CTPS1: variants seen among roughly 807,000 people sequenced by gnomAD.
The protein encoded by CTPS1 is CTP synthetase 1.
A neutral mutation model predicts 80.5 loss-of-function variants in CTPS1; 25 were observed. That is an observed-to-expected ratio of 0.31 (90% CI 0.23 to 0.43). The LOEUF (loss-of-function observed/expected upper bound fraction) is 0.43. Ranked by LOEUF, CTPS1 falls within the 20% of genes least tolerant of loss-of-function variation. The pLI, the probability that CTPS1 is intolerant of heterozygous loss-of-function variation, is 1.00. For missense variants in CTPS1, 442 were observed against 725.7 expected (o/e 0.61, Z 4.49); for synonymous variants, 267 against 252.5 (o/e 1.06, Z -0.54).
intron 7 of CTPS1, among the ~76,000 whole-genome samples, chr1:40,993,774 CTTTTTTTT>C (rs71278720): frequency 5.8e-5 from 5 of 85,802 alleles, no homozygotes; most frequent in Non-Finnish European, 1.1e-4. Flanking sequence ...TTTCTTCTCT[CTTTTTTTT>C]TTTTTTTTTT....
chr1:41,008,813 A>C lies in CTPS1; in HGVS notation c.1469A>C (p.Lys490Thr). The change falls in exon 16 of 19, where the codon AAG (lysine) becomes ACG (threonine). Residue 490 changes from lysine (K) to threonine (T), a missense_variant. Lys to Thr is a moderately conservative substitution (Grantham distance 78). Coordinates refer to ENST00000650070, the MANE Select transcript of CTPS1 (RefSeq NM_001905.4). Reference protein sequence around the residue: ...HRFEVNPVWKKCLEEQGLKFV... With the variant: ...HRFEVNPVWKTCLEEQGLKFV... Reference sequence around the variant, plus strand: ...CAACAGGTGAATCCAGTCTGGAAAAAGTGTTTGGAAGAACAAGGCTTGAAG... The same window carrying C: ...CAACAGGTGAATCCAGTCTGGAAAACGTGTTTGGAAGAACAAGGCTTGAAG... The C allele has an allele frequency of 6.2e-7, 1 of 1,614,208 alleles. No homozygotes were observed. Among genetic ancestry groups the C allele is most frequent in the Non-Finnish European group, 8.5e-7 (1 of 1,180,030 alleles).
intron 2 of CTPS1, 21 bp from the exon 3 acceptor site, chr1:40,984,800 T>C (rs770622124): frequency 6.7e-7 from 1 of 1,482,584 alleles, no homozygotes; most frequent in Non-Finnish European, 9.0e-7. Flanking sequence ...TTAACGTAAA[T>C]GGTTTCTCTG....
chr1:41,002,192 G>C lies in CTPS1; in HGVS notation c.1127G>C (p.Arg376Pro). Residue 376 changes from arginine (R) to proline (P), a missense_variant, in exon 11 of 19, where the codon CGA becomes CCA. Arg to Pro is a moderately radical substitution (Grantham distance 103). Coordinates refer to ENST00000650070, the MANE Select transcript of CTPS1 (RefSeq NM_001905.4). ...GVLVPGGFGV[R>P]GTEGKIQAIA... ...CTGGTTCCAGGAGGATTTGGTGTTC[G>C]AGGAACAGAAGGAAAAATCCAAGCA... 1.2e-6 allele frequency: 2 copies of C among 1,614,144 alleles called. No homozygotes were observed. Among genetic ancestry groups the C allele is most frequent in the Non-Finnish European group, 1.7e-6 (2 of 1,180,016 alleles).
intron 12 of CTPS1, among the ~76,000 whole-genome samples, chr1:41,003,548 G>C (rs1343832216): frequency 6.6e-6 from 1 of 152,206 alleles, no homozygotes; most frequent in Non-Finnish European, 1.5e-5. Flanking sequence ...ACTGGGCTCA[G>C]ATTCCAACCT....
At chr1:40,986,285 G>A (rs752236688) in intron 3 of CTPS1, among the ~76,000 whole-genome samples, 6 of 152,388 alleles carry the variant, frequency 3.9e-5, no homozygotes, top group Non-Finnish European at 7.3e-5. Flanking sequence ...CAGTCACAGC[G>A]AGAGTGGAAT....
intron 1 of CTPS1, among the ~76,000 whole-genome samples, chr1:40,982,146 T>C (rs1461203952): frequency 6.6e-6 from 1 of 152,196 alleles, no homozygotes; most frequent in Non-Finnish European, 1.5e-5. Context: ...CTCTTGTCGA[T>C]GCTGTTTTCA....
intron 12 of CTPS1, among the ~76,000 whole-genome samples, chr1:41,003,641 C>G (rs750324457): frequency 2.0e-5 from 3 of 152,196 alleles, no homozygotes; most frequent in Non-Finnish European, 4.4e-5. Context: ...AATAAAGGTA[C>G]GTACTTCACA....
chr1:41,003,092 GT>G (rs748558529), intron 11 of CTPS1, 21 bp from the exon 12 acceptor site: 7 of 1,613,882 alleles, frequency 4.3e-6, no homozygotes, highest in African/African-American at 4.0e-5. Flanking sequence ...AGTTTTGTTT[GT>G]TTTTTCCCCC....
rs559325654 is a variant in CTPS1, at chr1:40,980,049, C to T, written c.-14+220C>T. 24 of 151,252 alleles carry T rather than the reference C, an allele frequency of 1.6e-4. No homozygotes were observed. In the South Asian group the frequency reaches 2.9e-3, roughly 18 times the overall value. 9.4% of individuals were successfully genotyped at this position (151,252 alleles called of 1,614,324 possible). ...CGAGCTGCCGGCTCCCGCGCGCGGG[C>T]CTCGTGGCCGGGCGGCGCTGGGGAG... On this transcript the variant is annotated intron_variant, in intron 1 of 18. Transcript: ENST00000650070.
intron 1 of CTPS1, among the ~76,000 whole-genome samples, chr1:40,981,754 C>T (rs1558126032): frequency 6.6e-6 from 1 of 151,872 alleles, no homozygotes; most frequent in Non-Finnish European, 1.5e-5. Flanking sequence ...TTTGTTGAAA[C>T]CAGGGAGCAT....
intron 3 of CTPS1, among the ~76,000 whole-genome samples, chr1:40,985,751 G>C (rs1408406293): frequency 6.6e-6 from 1 of 152,162 alleles, no homozygotes; most frequent in African/African-American, 2.4e-5. Flanking sequence ...GCCCTGGCAA[G>C]ATTCTGGGCT....
At chr1:41,009,685 G>T in intron 17 of CTPS1, 96 bp downstream of exon 17, 10 of 1,451,416 alleles carry the variant, frequency 6.9e-6, no homozygotes, top group Middle Eastern at 1.8e-4. Context: ...TCAGTCATAA[G>T]AAAAAAAAGC....
At chr1:40,988,828 A>G (rs939535791) in intron 5 of CTPS1, 118 bp downstream of exon 5, 4 of 682,318 alleles carry the variant, frequency 5.9e-6, no homozygotes, top group East Asian at 2.5e-5. Context: ...GGAAGCAGAG[A>G]ATAAAGAACT....
At chr1:40,988,131 C>G (rs1014757939) in intron 4 of CTPS1, among the ~76,000 whole-genome samples, 1 of 152,138 alleles carries the variant, frequency 6.6e-6, no homozygotes, top group Non-Finnish European at 1.5e-5. Flanking sequence ...CCAGGATGGT[C>G]TCTAACTCCT....
chr1:41,002,494 C>T (rs1642927313), intron 11 of CTPS1, among the ~76,000 whole-genome samples: 1 of 152,194 alleles, frequency 6.6e-6, no homozygotes, highest in African/African-American at 2.4e-5. Flanking sequence ...TTGTGAATTC[C>T]TGTCCATTTA....
chr1:41,010,025 A>G, intron 17 of CTPS1, 136 bp from the exon 18 acceptor site: 1 of 612,278 alleles, frequency 1.6e-6, no homozygotes, highest in Non-Finnish European at 3.0e-6. Flanking sequence ...CATGTTAAAT[A>G]TATTATGTAG....
chr1:40,991,070 A>G (rs1390345461), intron 5 of CTPS1, 95 bp from the exon 6 acceptor site: 2 of 840,172 alleles, frequency 2.4e-6, no homozygotes, highest in Non-Finnish European at 3.8e-6. Context: ...CAAATGATCT[A>G]TTTCCTTATT....
intron 12 of CTPS1, among the ~76,000 whole-genome samples, chr1:41,005,286 A>G (rs1471238918): frequency 6.6e-6 from 1 of 151,680 alleles, no homozygotes; most frequent in Non-Finnish European, 1.5e-5. Flanking sequence ...CTCTACTAAA[A>G]ATACAAAGTT....
chr1:41,001,179 CCT>C, intron 10 of CTPS1, 62 bp downstream of exon 10: 2 of 1,266,352 alleles, frequency 1.6e-6, no homozygotes, highest in Non-Finnish European at 2.2e-6. Flanking sequence ...ATGAAAAAGT[CCT>C]CTTGTTTTCA....
Sources: gnomAD v4.1 joint callset for allele counts (sites outside exome capture counted in the v4.1 genomes callset) on GRCh38, gnomAD v4.1.1 for gene constraint, MANE v1.5 for transcripts, NCBI Gene and HGNC (gene_info 2026-07-23, HGNC 2026-07-21) for gene names.